The following RAD54L2 variants were observed in gnomAD, a reference collection of about 807,000 sequenced individuals.
RAD54L2 encodes the protein helicase ARIP4.
Under a neutral mutation model 138.4 loss-of-function variants are expected in RAD54L2, and 27 were observed. The ratio of observed to expected loss-of-function variants is 0.20; its 90% confidence interval spans 0.14 to 0.27. RAD54L2 has a LOEUF of 0.27. Ranked by LOEUF, RAD54L2 falls within the 10% of genes least tolerant of loss-of-function variation. The pLI is 1.00. For synonymous variants in RAD54L2, 644 were observed against 723.2 expected (o/e 0.89, Z 1.76); for missense variants, 1,396 against 1,890.2 (o/e 0.74, Z 4.85).
At chr3:51,594,072 T>C (rs111741059) in intron 3 of RAD54L2, among the ~76,000 whole-genome samples, 2,664 of 141,274 alleles carry the variant, frequency 0.019, 51 homozygotes, top group African/African-American at 0.066. Context: ...TTTTCTTTTT[T>C]TTTTTTTTTT....
In RAD54L2 at chr3:51,637,421, A is replaced by G; in HGVS notation, c.1600A>G (p.Ile534Val). The G allele has an allele frequency of 6.2e-7, 1 of 1,613,972 alleles. No homozygotes were observed. The highest frequency in any genetic ancestry group is 8.5e-7 in the Non-Finnish European group (1 of 1,179,872). Residue 534 changes from isoleucine to valine, a missense_variant, in exon 11 of 23, where the codon ATT (isoleucine) becomes GTT (valine). Ile to Val is a conservative substitution (Grantham distance 29). Transcript: ENST00000684192. The surrounding 1 kb of genome is among the most constrained non-coding windows in gnomAD (Gnocchi z 5.9). ...ACGCCCTATCCTGAATGGGCAATGT[A>G]TTGACAGCACACCTCAGGACGTCCG... ...FERPILNGQC[I>V]DSTPQDVRLM...
intron 3 of RAD54L2, among the ~76,000 whole-genome samples, chr3:51,610,789 A>T (rs1700311106): frequency 6.6e-6 from 1 of 152,130 alleles, no homozygotes; most frequent in Non-Finnish European, 1.5e-5. Flanking sequence ...TCCTTGAGAG[A>T]GGCTGCCAGT....
chr3:51,613,325 C>T (rs1700374347), intron 3 of RAD54L2, among the ~76,000 whole-genome samples: 1 of 152,210 alleles, frequency 6.6e-6, no homozygotes, highest in African/African-American at 2.4e-5. Flanking sequence ...TCTTTTACCT[C>T]TAGCTGAGAC....
intron 20 of RAD54L2, 70 bp from the exon 21 acceptor site, chr3:51,657,510 C>A: frequency 9.7e-7 from 1 of 1,029,794 alleles, no homozygotes; most frequent in Non-Finnish European, 1.5e-6. Flanking sequence ...AGATGTGGGA[C>A]TTTGCAATTT....
intron 2 of RAD54L2, among the ~76,000 whole-genome samples, chr3:51,572,859 C>T (rs370622468): frequency 5.3e-5 from 8 of 151,778 alleles, no homozygotes; most frequent in South Asian, 2.1e-4. Flanking sequence ...AGGCCGGTCT[C>T]GAATTCCTGA....
chr3:51,597,157 C>T (rs1577412697), intron 3 of RAD54L2, among the ~76,000 whole-genome samples: 1 of 113,668 alleles, frequency 8.8e-6, no homozygotes, highest in African/African-American at 3.5e-5. Flanking sequence ...AAGAGCAAGA[C>T]TTCATTTCAA....
chr3:51,628,213 C>T (rs1700739654), intron 4 of RAD54L2, among the ~76,000 whole-genome samples: 4 of 152,040 alleles, frequency 2.6e-5, no homozygotes, highest in South Asian at 2.1e-4. Context: ...CTATCCAAAT[C>T]CCCAACAGTT....
At chr3:51,554,020 C>T (rs763564594) in intron 2 of RAD54L2, among the ~76,000 whole-genome samples, 1 of 152,142 alleles carries the variant, frequency 6.6e-6, no homozygotes, top group African/African-American at 2.4e-5. Flanking sequence ...ACATTGATGG[C>T]TGCTGACTGA....
rs1282355241 is a variant in RAD54L2 at position 51,645,233 on chromosome 3, G to A, written c.2656+4G>A. The A allele has an allele frequency of 6.2e-7, 1 of 1,608,036 alleles. No homozygotes were observed. Among genetic ancestry groups the A allele is most frequent in the Admixed American group, 1.7e-5 (1 of 59,212 alleles). ...ATTTCCAAGCAGGGCATGTCAGGTG[G>A]GCCATCTTCCAGACTTCGGAGAGGC... is the stretch of plus-strand genomic sequence containing the variant. On this transcript the variant is annotated splice_donor_region_variant and intron_variant, in intron 17 of 22. Transcript: ENST00000684192. The surrounding 1 kb of genome is among the most constrained non-coding windows in gnomAD (Gnocchi z 6.1).
intron 2 of RAD54L2, among the ~76,000 whole-genome samples, chr3:51,567,043 G>A (rs968402442): frequency 6.6e-6 from 1 of 152,130 alleles, no homozygotes; most frequent in Non-Finnish European, 1.5e-5. Flanking sequence ...GCTTTAGGTA[G>A]AGGTCATAGT....
chr3:51,587,201 C>T (rs373594907), intron 2 of RAD54L2, among the ~76,000 whole-genome samples: 6 of 151,670 alleles, frequency 4.0e-5, no homozygotes, highest in South Asian at 2.1e-4. Flanking sequence ...CCCGGGTTCA[C>T]GCCATTCTCC....
At chr3:51,632,888 G>A (rs556129767) in intron 7 of RAD54L2, among the ~76,000 whole-genome samples, 11 of 146,528 alleles carry the variant, frequency 7.5e-5, no homozygotes, top group Admixed American at 2.0e-4. Flanking sequence ...GCAAGACTCC[G>A]TCTCAAAAAA....
intron 3 of RAD54L2, among the ~76,000 whole-genome samples, chr3:51,607,353 T>A (rs947180172): frequency 1.3e-5 from 2 of 152,116 alleles, no homozygotes; most frequent in African/African-American, 4.8e-5. Flanking sequence ...ACAAAGCACA[T>A]CTTGCACCGC....
At chr3:51,631,420 C>CT (rs898540419) in intron 7 of RAD54L2, among the ~76,000 whole-genome samples, 2,307 of 128,282 alleles carry the variant, frequency 0.018, 28 homozygotes, top group South Asian at 0.041. Flanking sequence ...ATTAAGAACT[C>CT]TTTTTTTTTT....
At chr3:51,629,196 G>C (rs533544276) in intron 4 of RAD54L2, 138 bp from the exon 5 acceptor site, 1 of 871,706 alleles carries the variant, frequency 1.1e-6, no homozygotes, top group Non-Finnish European at 1.8e-6. Context: ...CCTTGCATGG[G>C]TATGGTGGGG....
At chr3:51,602,321 C>A (rs969030609) in intron 3 of RAD54L2, among the ~76,000 whole-genome samples, 1 of 152,132 alleles carries the variant, frequency 6.6e-6, no homozygotes, top group South Asian at 2.1e-4. Flanking sequence ...TAGGATAAAA[C>A]TGAGAATAGA....
At chr3:51,650,497 C>A (rs560827826) in intron 19 of RAD54L2, among the ~76,000 whole-genome samples, 18 of 152,322 alleles carry the variant, frequency 1.2e-4, no homozygotes, top group African/African-American at 4.3e-4. Flanking sequence ...TTCTCAGCAC[C>A]ACATTGCACT....
chr3:51,547,286 C>T (rs567422344), intron 2 of RAD54L2, among the ~76,000 whole-genome samples: 3 of 151,832 alleles, frequency 2.0e-5, no homozygotes, highest in East Asian at 1.9e-4. Context: ...CGAGGCGGGA[C>T]GATTGCCTGA....
At chr3:51,625,876 T>C (rs987526366) in intron 3 of RAD54L2, among the ~76,000 whole-genome samples, 2 of 150,708 alleles carry the variant, frequency 1.3e-5, no homozygotes, top group African/African-American at 2.5e-5. Context: ...AAAAAAAAAA[T>C]AGTGTTAAAG....
Sources: allele counts gnomAD v4.1 joint callset (sites outside exome capture counted in the v4.1 genomes callset), GRCh38; gene constraint gnomAD v4.1.1; non-coding constraint Gnocchi (gnomAD v3.1); transcripts MANE v1.5; gene names NCBI Gene and HGNC (gene_info 2026-07-23, HGNC 2026-07-21).